KALRN: variants seen among roughly 807,000 people sequenced by gnomAD.
The protein encoded by KALRN is kalirin RhoGEF kinase.
KALRN carries 70 observed loss-of-function variants against 353.7 expected under a neutral mutation model. The ratio of observed to expected loss-of-function variants is 0.20; its 90% CI spans 0.16 to 0.24. The LOEUF is 0.24. KALRN is among the 10% of genes least tolerant of loss of function. The pLI, the probability that KALRN is intolerant of heterozygous loss-of-function variation, is 1.00. For missense variants in KALRN, 2,791 were observed against 3,756.7 expected (o/e 0.74, Z 6.72); for synonymous variants, 1,391 against 1,434.8 (o/e 0.97, Z 0.69).
At position 124,097,372 on chromosome 3, in the gene KALRN, T is replaced by A. The variant is rs555746024; in HGVS notation, c.73+63559T>A. Among the ~76,000 whole-genome samples the A allele has an allele frequency of 7.2e-5, 11 of 152,352 alleles. No individual in the cohort carries two copies. The South Asian group carries it at 1.9e-3, about 26-fold the overall frequency. The stretch of plus-strand genomic sequence containing the variant: ...TTGATCTTTCTTAAGTGTAACAGAA[T>A]TTAGCTCCTTTGATCTGTTTGAAGA... On this transcript the variant is annotated intron_variant, in intron 1 of 59. Coordinates refer to ENST00000682506, the MANE Select transcript of KALRN (RefSeq NM_001388419.1).
intron 14 of KALRN, among the ~76,000 whole-genome samples, chr3:124,422,442 A>G (rs1436385956): frequency 6.6e-6 from 1 of 151,538 alleles, no homozygotes; most frequent in Non-Finnish European, 1.5e-5. Flanking sequence ...TTGGTTTTTG[A>G]TTTTCCAGTA....
chr3:124,445,592 C>T (rs1277553799), intron 19 of KALRN, among the ~76,000 whole-genome samples: 2 of 152,206 alleles, frequency 1.3e-5, no homozygotes, highest in African/African-American at 2.4e-5. Flanking sequence ...AATTCCAACA[C>T]AGCTTCCCTA....
At chr3:124,469,393 T>A (rs2060666008) in intron 25 of KALRN, among the ~76,000 whole-genome samples, 1 of 152,348 alleles carries the variant, frequency 6.6e-6, no homozygotes, top group Middle Eastern at 3.4e-3. Context: ...GTGCTGGAAC[T>A]GTTACATGAA....
intron 28 of KALRN, among the ~76,000 whole-genome samples, chr3:124,487,035 AC>A (rs1420433614): frequency 6.6e-6 from 1 of 152,200 alleles, no homozygotes; most frequent in Non-Finnish European, 1.5e-5. Context: ...TAACGTGTTT[AC>A]AAGATTTGAT....
At chr3:124,049,572 G>A (rs2040837889) in intron 1 of KALRN, among the ~76,000 whole-genome samples, 1 of 152,222 alleles carries the variant, frequency 6.6e-6, no homozygotes, top group South Asian at 2.1e-4. Context: ...GGTTTTGAGT[G>A]TGGTTGAAAG....
intron 34 of KALRN, among the ~76,000 whole-genome samples, chr3:124,577,602 T>C (rs1432353992): frequency 3.3e-5 from 5 of 152,138 alleles, no homozygotes; most frequent in Non-Finnish European, 7.4e-5. Context: ...AAAAACATAT[T>C]TGGGCTGGAC....
chr3:124,724,799 G>A lies in KALRN; in HGVS notation c.*5329G>A, dbSNP rs2063399853. 1 of 152,136 alleles carries A rather than the reference G, an allele frequency of 6.6e-6. No individual in the cohort carries two copies. Among genetic ancestry groups the A allele is most frequent in the African/African-American group, 2.4e-5 (1 of 41,426 alleles). The allele number at this position is 152,136 out of a possible 1,614,324, so 9.4% of individuals were successfully genotyped here. A position where few individuals can be genotyped will look rare whatever the true frequency, so the allele number is the denominator to read the frequency against. On this transcript the variant is annotated 3_prime_UTR_variant, in exon 60 of 60. Coordinates refer to ENST00000682506, the MANE Select transcript of KALRN (RefSeq NM_001388419.1). Reference sequence around the variant, plus strand: ...TAAATATGAAGAAGTTAGAGGAGAGGAAAAAGCAATCACTCTAAGACAACT... The same window carrying A: ...TAAATATGAAGAAGTTAGAGGAGAGAAAAAAGCAATCACTCTAAGACAACT...
At chr3:124,483,920 G>A (rs1024327454) in intron 28 of KALRN, among the ~76,000 whole-genome samples, 1 of 152,156 alleles carries the variant, frequency 6.6e-6, no homozygotes, top group Non-Finnish European at 1.5e-5. Context: ...AAAGCCTGGG[G>A]AATTGACACA....
chr3:124,240,989 A>G (rs1234880892), intron 3 of KALRN, among the ~76,000 whole-genome samples: 3 of 152,206 alleles, frequency 2.0e-5, no homozygotes, highest in Admixed American at 1.3e-4. Context: ...ACATACATAG[A>G]TAGCAATATT....
intron 10 of KALRN, among the ~76,000 whole-genome samples, chr3:124,366,936 C>A (rs1284928129): frequency 7.4e-6 from 1 of 135,328 alleles, no homozygotes; most frequent in Non-Finnish European, 1.6e-5. Flanking sequence ...AGAGGGGCTC[C>A]TCACTTCCCA....
chr3:124,299,009 A>G (rs1266553215), intron 6 of KALRN, 96 bp downstream of exon 6: 18 of 1,485,670 alleles, frequency 1.2e-5, no homozygotes, highest in Non-Finnish European at 1.6e-5. Flanking sequence ...CCCGAGGAAG[A>G]ACTGTGAACA....
chr3:124,132,779 A>T (rs1405819603), intron 1 of KALRN: 1 of 152,578 alleles, frequency 6.6e-6, no homozygotes, highest in Non-Finnish European at 1.5e-5. Flanking sequence ...AAGTTCTTTC[A>T]TGAGAGCTTT....
intron 1 of KALRN, among the ~76,000 whole-genome samples, chr3:124,120,736 A>ATATATATATATATATATG (rs1553774505): frequency 1.2e-4 from 17 of 144,376 alleles, no homozygotes; most frequent in African/African-American, 4.5e-4. Flanking sequence ...ATATATATAT[A>ATATATATATATATATATG]TATATATATT....
At chr3:124,391,440 C>T (rs1356651502) in intron 11 of KALRN, among the ~76,000 whole-genome samples, 1 of 152,204 alleles carries the variant, frequency 6.6e-6, no homozygotes, top group Non-Finnish European at 1.5e-5. Flanking sequence ...TAATTAGTTC[C>T]AGCAGACATT....
intron 1 of KALRN, among the ~76,000 whole-genome samples, chr3:124,091,391 C>T (rs946763193): frequency 2.0e-5 from 3 of 152,098 alleles, no homozygotes; most frequent in Admixed American, 1.3e-4. Context: ...GGACAGTGGC[C>T]ATTGTCGTCC....
Position 124,720,972 on chromosome 3 carries a change from G to T in KALRN, c.*1502G>T, listed in dbSNP as rs949107140. Reference sequence around the variant, plus strand: ...GTAACTCAAGTGTTTGTTCAAATCAGGTTTAATGGTGTTGCTTCTCTCCTA... The same window carrying T: ...GTAACTCAAGTGTTTGTTCAAATCATGTTTAATGGTGTTGCTTCTCTCCTA... On this transcript the variant is annotated 3_prime_UTR_variant, in exon 60 of 60. Transcript: ENST00000682506. 1 of 152,134 alleles carries T rather than the reference G, an allele frequency of 6.6e-6. No individual in the cohort carries two copies. Among genetic ancestry groups the T allele is most frequent in the Non-Finnish European group, 1.5e-5 (1 of 68,022 alleles). The allele number at this position is 152,134 out of a possible 1,614,324, so 9.4% of individuals were successfully genotyped here.
In KALRN at chr3:124,294,520, C is replaced by CTTTTTTTTTTTTTTTT. The variant is rs397990993; in HGVS notation, c.970-4264_970-4249dup. Among the ~76,000 whole-genome samples the CTTTTTTTTTTTTTTTT allele has an allele frequency of 6.5e-4, 48 of 73,896 alleles. 12 individuals carry two copies. In the East Asian group the frequency reaches 7.6e-3, roughly 12 times the overall value. The allele number at this position is 73,896 out of a possible 152,430, so 48.5% of individuals were successfully genotyped here. On this transcript the variant is annotated intron_variant, in intron 5 of 59. Coordinates refer to ENST00000682506, the MANE Select transcript of KALRN (RefSeq NM_001388419.1). ...GGGCTGAGACTAAGAAGATTCTCTT[C>CTTTTTTTTTTTTTTTT]TTTTTTTTTTTTTTTTTTTTTTGAG...
intron 14 of KALRN, among the ~76,000 whole-genome samples, chr3:124,418,825 C>A (rs2092637978): frequency 6.6e-6 from 1 of 152,132 alleles, no homozygotes; most frequent in South Asian, 2.1e-4. Flanking sequence ...GGTTCATAAT[C>A]TTGGTTGCAT....
chr3:124,484,047 A>T (rs2062276306), intron 28 of KALRN, among the ~76,000 whole-genome samples: 1 of 152,224 alleles, frequency 6.6e-6, no homozygotes, highest in South Asian at 2.1e-4. Flanking sequence ...ATAGTAGGGG[A>T]CATGTTATAA....
Sources: gnomAD v4.1 joint callset for allele counts (sites outside exome capture counted in the v4.1 genomes callset) on GRCh38, gnomAD v4.1.1 for gene constraint, MANE v1.5 for transcripts, NCBI Gene and HGNC (gene_info 2026-07-23, HGNC 2026-07-21) for gene names.